PABIR2: variants seen among roughly 807,000 people sequenced by gnomAD.
PABIR2 encodes the protein PABIR family member 2.
In PABIR2, 7 loss-of-function variants were observed where a neutral mutation model predicts 22.8. The observed-to-expected ratio is 0.31, with a 90% CI of 0.17 to 0.58. PABIR2 has a LOEUF of 0.58. PABIR2 is among the 20% of genes least tolerant of loss of function. The pLI, the probability that PABIR2 is intolerant of heterozygous loss-of-function variation, is 0.89. For synonymous variants in PABIR2, 67 were observed against 73.8 expected (o/e 0.91, Z 0.47); for missense variants, 155 against 205.1 (o/e 0.76, Z 1.49).
Position 134,771,717 on chromosome X carries a change from T to C in PABIR2, c.*422A>G. The C allele has an allele frequency of 1.3e-6, 1 of 793,708 alleles. No homozygotes were observed. Among genetic ancestry groups the C allele is most frequent in the East Asian group, 1.0e-4 (1 of 9,573 alleles). 65.4% of individuals were successfully genotyped at this position (793,708 alleles called of 1,213,427 possible). A position where few individuals can be genotyped will look rare whatever the true frequency, so the allele number is the denominator to read the frequency against. On this transcript the variant is annotated 3_prime_UTR_variant, in exon 10 of 10. Coordinates refer to ENST00000343004, the MANE Select transcript of PABIR2 (RefSeq NM_001387468.1). ...TAAAGAGAGATTTGAAACTATGTAG[T>C]CAACAGAGGACAAAAAAAAATCTCT... is the stretch of plus-strand genomic sequence containing the variant.
chrX:134,778,584 G>A lies in PABIR2; in HGVS notation c.659+3237C>T, dbSNP rs187996142. Among the ~76,000 whole-genome samples, 5 of 109,703 alleles carry A rather than the reference G, an allele frequency of 4.6e-5. No homozygotes were observed. The East Asian group carries it at 1.2e-3, about 25-fold the overall frequency. On this transcript the variant is annotated intron_variant, in intron 9 of 9. Coordinates refer to ENST00000343004, the MANE Select transcript of PABIR2 (RefSeq NM_001387468.1). The stretch of plus-strand genomic sequence containing the variant: ...TATCAGCATCATTAGTATATAAGGT[G>A]TCCCCAAAGTCTTAGCACAATTGTA...
At chrX:134,795,989 AC>A in intron 1 of PABIR2, 118 bp downstream of exon 1, 2 of 615,690 alleles carry the variant, frequency 3.2e-6, no homozygotes, top group Non-Finnish European at 5.0e-6. Context: ...ACAAGTCGCC[AC>A]CCCCTCAGGT....
intron 2 of PABIR2, among the ~76,000 whole-genome samples, 154 bp from the exon 3 acceptor site, chrX:134,789,790 T>C (rs1366426088): frequency 3.6e-5 from 4 of 112,598 alleles, no homozygotes; most frequent in African/African-American, 9.7e-5. Flanking sequence ...CTAAAGGCAG[T>C]ACATTTAGTC....
chrX:134,792,879 C>T (rs868750232), intron 2 of PABIR2, among the ~76,000 whole-genome samples: 8 of 112,228 alleles, frequency 7.1e-5, no homozygotes, highest in Non-Finnish European at 1.5e-4. Flanking sequence ...TCCTTAAGAA[C>T]GTAAATTATT....
chrX:134,785,240 A>G (rs1270572702), intron 8 of PABIR2, among the ~76,000 whole-genome samples: 1 of 112,085 alleles, frequency 8.9e-6, no homozygotes, highest in Non-Finnish European at 1.9e-5. Context: ...AACACAAGAG[A>G]GCAATGCTGT....
chrX:134,775,305 C>T, intron 9 of PABIR2, among the ~76,000 whole-genome samples: 1 of 110,197 alleles, frequency 9.1e-6, no homozygotes, highest in South Asian at 3.8e-4. Flanking sequence ...CCGAGGTGGG[C>T]GGATCACGAA....
chrX:134,772,258 T>C lies in PABIR2; in HGVS notation c.685A>G (p.Ser229Gly). ...GGGTCTGAGGATAAGCCACTGCTGCTACTACTGCCATCCAAAATATCTGAA... is the reference window on the plus strand; with the variant it reads ...GGGTCTGAGGATAAGCCACTGCTGCCACTACTGCCATCCAAAATATCTGAA... ...SCSDILDGSS[S>G]SSGLSSDPLA... is the part of the protein sequence containing the mutation. Residue 229 changes from serine (S) to glycine (G), a missense_variant, in exon 10 of 10, where the codon AGC (serine) becomes GGC (glycine). Ser to Gly is a moderately conservative substitution (Grantham distance 56). Transcript: ENST00000343004. 1.7e-6 allele frequency: 2 copies of C among 1,192,374 alleles called. No individual in the cohort carries two copies. Among genetic ancestry groups the C allele is most frequent in the East Asian group, 6.0e-5 (2 of 33,276 alleles).
At chrX:134,777,524 C>CAAAAAA (rs1177263144) in intron 9 of PABIR2, among the ~76,000 whole-genome samples, 1 of 29,560 alleles carries the variant, frequency 3.4e-5, no homozygotes, top group Non-Finnish European at 7.0e-5. Context: ...GATCTTGTAT[C>CAAAAAA]AAAAAAAAAA....
At chrX:134,780,089 G>C in intron 9 of PABIR2, among the ~76,000 whole-genome samples, 1 of 112,694 alleles carries the variant, frequency 8.9e-6, no homozygotes. Context: ...TGATCAACAA[G>C]ACTAACAAAC....
At chrX:134,775,986 G>GT (rs997294429) in intron 9 of PABIR2, among the ~76,000 whole-genome samples, 2 of 111,599 alleles carry the variant, frequency 1.8e-5, no homozygotes, top group South Asian at 3.7e-4. Flanking sequence ...TGTTTTTGTT[G>GT]TTTTTTCTGT....
chrX:134,796,445 G>A lies in PABIR2; in HGVS notation c.-240C>T, dbSNP rs907641184. On this transcript the variant is annotated 5_prime_UTR_variant, in exon 1 of 10. Coordinates refer to ENST00000343004, the MANE Select transcript of PABIR2 (RefSeq NM_001387468.1). ...TGGTGAGGCAGGAGAGGAGGACGAA[G>A]AGGTAGTGGTGGAAGGTGACAGAAT... The A allele has an allele frequency of 3.0e-5, 11 of 367,030 alleles. No homozygotes were observed. Among genetic ancestry groups the A allele is most frequent in the African/African-American group, 2.4e-4 (9 of 37,236 alleles). 30.2% of individuals were successfully genotyped at this position (367,030 alleles called of 1,213,427 possible).
chrX:134,773,363 T>G (rs1245055286), intron 9 of PABIR2, among the ~76,000 whole-genome samples: 2 of 109,796 alleles, frequency 1.8e-5, no homozygotes, highest in Non-Finnish European at 3.8e-5. Context: ...GTCCCAGCCC[T>G]CATTGAATTT....
At chrX:134,780,254 T>C (rs1415137422) in intron 9 of PABIR2, among the ~76,000 whole-genome samples, 1 of 112,626 alleles carries the variant, frequency 8.9e-6, no homozygotes, top group African/African-American at 3.2e-5. Context: ...TTGCTATTTT[T>C]AAAGTGAGTG....
intron 1 of PABIR2, among the ~76,000 whole-genome samples, chrX:134,794,541 C>CAA (rs1271715403): frequency 9.0e-6 from 1 of 111,731 alleles, no homozygotes; most frequent in African/African-American, 3.3e-5. Flanking sequence ...AAACGGAATG[C>CAA]AATCACTCTC....
intron 9 of PABIR2, among the ~76,000 whole-genome samples, chrX:134,779,015 C>T (rs1174133158): frequency 9.0e-6 from 1 of 111,063 alleles, no homozygotes; most frequent in Non-Finnish European, 1.9e-5. Flanking sequence ...GAGGTTTCAC[C>T]GTGTTAGCCA....
At chrX:134,775,625 A>C (rs2078955818) in intron 9 of PABIR2, among the ~76,000 whole-genome samples, 1 of 110,984 alleles carries the variant, frequency 9.0e-6, no homozygotes, top group African/African-American at 3.3e-5. Context: ...TCCAATGATA[A>C]AGTAATAACA....
At chrX:134,787,107 T>C (rs1360835203) in intron 7 of PABIR2, among the ~76,000 whole-genome samples, 1 of 106,911 alleles carries the variant, frequency 9.4e-6, no homozygotes, top group African/African-American at 3.5e-5. Flanking sequence ...TTCTTTTTTT[T>C]TTTTTTTTTG....
At chrX:134,787,097 TTC>T (rs2079345975) in intron 7 of PABIR2, among the ~76,000 whole-genome samples, 1 of 109,172 alleles carries the variant, frequency 9.2e-6, no homozygotes, top group Non-Finnish European at 1.9e-5. Context: ...AGAGTTAATC[TTC>T]TTTTTTTTTT....
rs955580475 is a variant in PABIR2, at chrX:134,771,556, T to C, written c.*583A>G. On this transcript the variant is annotated 3_prime_UTR_variant, in exon 10 of 10. Coordinates refer to ENST00000343004, the MANE Select transcript of PABIR2 (RefSeq NM_001387468.1). ...AAGCAATAAGAGTAATGAAAGCAACTACGTATTTCTTCCCCTCTGTGAGAA... is the reference window on the plus strand; with the variant it reads ...AAGCAATAAGAGTAATGAAAGCAACCACGTATTTCTTCCCCTCTGTGAGAA... The C allele has an allele frequency of 6.3e-6, 6 of 945,421 alleles. No individual in the cohort carries two copies. The highest frequency in any genetic ancestry group is 7.9e-6 in the Non-Finnish European group (6 of 762,296). The allele number at this position is 945,421 out of a possible 1,213,427, so 77.9% of individuals were successfully genotyped here.
Sources: allele counts gnomAD v4.1 joint callset (sites outside exome capture counted in the v4.1 genomes callset), GRCh38; gene constraint gnomAD v4.1.1; transcripts MANE v1.5; gene names NCBI Gene and HGNC (gene_info 2026-07-23, HGNC 2026-07-21).